TRIM2: variants seen among roughly 807,000 people sequenced by gnomAD.
TRIM2 encodes tripartite motif containing 2.
In TRIM2, 20 loss-of-function variants were observed where a neutral mutation model predicts 75.2. The ratio of observed to expected loss-of-function variants is 0.27; its 90% CI spans 0.19 to 0.39. TRIM2 has a LOEUF of 0.39. Ranked by LOEUF, TRIM2 falls within the 10% of genes least tolerant of loss-of-function variation. TRIM2 has a pLI of 1.00. For synonymous variants in TRIM2, 373 were observed against 388.3 expected (o/e 0.96, Z 0.46); for missense variants, 660 against 990.8 (o/e 0.67, Z 4.48).
chr4:153,234,907 A>T lies in TRIM2; in HGVS notation c.30+30347A>T, dbSNP rs73854609. Among the ~76,000 whole-genome samples, 448 of 152,256 alleles carry T rather than the reference A, an allele frequency of 2.9e-3. 2 individuals carry two copies. The highest frequency in any genetic ancestry group is 0.01 in the African/African-American group (427 of 41,538). On this transcript the variant is annotated intron_variant, in intron 1 of 11. Coordinates refer to ENST00000338700, the MANE Select transcript of TRIM2 (RefSeq NM_015271.5). ...CCAAAGTGGAACTCAATTAATTGCC[A>T]CTTTCTCTCTCCAATTCTTAACCTT...
chr4:153,233,705 A>G (rs1240694725), intron 1 of TRIM2, among the ~76,000 whole-genome samples: 1 of 152,146 alleles, frequency 6.6e-6, no homozygotes, highest in Admixed American at 6.5e-5. Flanking sequence ...AGAATGCTTC[A>G]ATTTTGGTGG....
At chr4:153,323,285 A>G (rs1769409315) in intron 9 of TRIM2, among the ~76,000 whole-genome samples, 1 of 152,208 alleles carries the variant, frequency 6.6e-6, no homozygotes, top group African/African-American at 2.4e-5. Context: ...TTGGTGTAGC[A>G]CTTTGCAATC....
chr4:153,280,165 G>C (rs994583571), intron 3 of TRIM2, among the ~76,000 whole-genome samples: 18 of 119,030 alleles, frequency 1.5e-4, no homozygotes, highest in Middle Eastern at 4.8e-3. Context: ...AGAAAGAAAA[G>C]AACAGAAATA....
At chr4:153,239,315 G>A (rs1266463612) in intron 1 of TRIM2, among the ~76,000 whole-genome samples, 1 of 149,390 alleles carries the variant, frequency 6.7e-6, no homozygotes, top group African/African-American at 2.5e-5. Context: ...TCGTGCCACT[G>A]CACTCCAGCC....
At chr4:153,294,068 T>C (rs1178352056) in intron 4 of TRIM2, among the ~76,000 whole-genome samples, 5 of 152,206 alleles carry the variant, frequency 3.3e-5, no homozygotes, top group Non-Finnish European at 5.9e-5. Context: ...TAATTAATTA[T>C]TAAAATTGGA....
At chr4:153,178,423 A>G (rs1033520814) in intron 1 of TRIM2, among the ~76,000 whole-genome samples, 1 of 152,232 alleles carries the variant, frequency 6.6e-6, no homozygotes, top group Non-Finnish European at 1.5e-5. Context: ...ATTAAAAAAG[A>G]AAACAAAACT....
intron 1 of TRIM2, among the ~76,000 whole-genome samples, chr4:153,197,199 G>T (rs1319399039): frequency 6.6e-6 from 1 of 152,162 alleles, no homozygotes; most frequent in African/African-American, 2.4e-5. Flanking sequence ...GGAGCTTCCA[G>T]GTAGTAAGTT....
chr4:153,274,707 A>G (rs1332441952), intron 2 of TRIM2, among the ~76,000 whole-genome samples: 1 of 152,236 alleles, frequency 6.6e-6, no homozygotes, highest in Non-Finnish European at 1.5e-5. Context: ...AGACAGGAGA[A>G]CCATGTGAGT....
chr4:153,189,257 T>C (rs76599388), intron 1 of TRIM2, among the ~76,000 whole-genome samples: 4,864 of 152,332 alleles, frequency 0.032, 260 homozygotes, highest in African/African-American at 0.11. Context: ...AAAGTTTCAC[T>C]GCCAAGCAGG....
chr4:153,225,044 G>C (rs1427030388), intron 1 of TRIM2, among the ~76,000 whole-genome samples: 2 of 152,164 alleles, frequency 1.3e-5, no homozygotes, highest in Non-Finnish European at 1.5e-5. Flanking sequence ...ACCTCTCCTA[G>C]TGCTGATTGG....
intron 1 of TRIM2, among the ~76,000 whole-genome samples, chr4:153,186,538 C>T (rs556104079): frequency 6.6e-6 from 1 of 152,324 alleles, no homozygotes; most frequent in South Asian, 2.1e-4. Context: ...AGTGCTTTGT[C>T]TCTAAGGAAG....
In TRIM2 at chr4:153,205,462, G is replaced by C. The variant is rs750158382; in HGVS notation, c.30+902G>C. Reference sequence around the variant, plus strand: ...TTGCGACCTGTAAGGTGGGGAGGGGGCTACAACATCTCGAGTCCTGGGAGT... The same window carrying C: ...TTGCGACCTGTAAGGTGGGGAGGGGCCTACAACATCTCGAGTCCTGGGAGT... On this transcript the variant is annotated intron_variant, in intron 1 of 11. Coordinates refer to ENST00000338700, the MANE Select transcript of TRIM2 (RefSeq NM_015271.5). Among the ~76,000 whole-genome samples, 160 of 152,114 alleles carry C rather than the reference G, an allele frequency of 1.1e-3. 2 individuals carry two copies. The highest frequency in any genetic ancestry group is 7.4e-4 in the Non-Finnish European group (50 of 68,014).
intron 1 of TRIM2, among the ~76,000 whole-genome samples, chr4:153,229,313 G>T (rs1382959710): frequency 1.3e-5 from 2 of 152,142 alleles, no homozygotes; most frequent in Non-Finnish European, 2.9e-5. Context: ...ACTCAGGCTG[G>T]AGTGCAGTGG....
At chr4:153,176,176 A>G (rs186398586) in intron 1 of TRIM2, among the ~76,000 whole-genome samples, 28 of 152,306 alleles carry the variant, frequency 1.8e-4, no homozygotes, top group African/African-American at 6.7e-4. Context: ...AAGCATGGCT[A>G]GGCACAGTGG....
chr4:153,325,644 A>G (rs990296656), intron 10 of TRIM2, among the ~76,000 whole-genome samples: 1 of 152,240 alleles, frequency 6.6e-6, no homozygotes, highest in Non-Finnish European at 1.5e-5. Flanking sequence ...AATCATTCAT[A>G]TAACTACAGG....
At chr4:153,293,993 G>A (rs539833348) in intron 4 of TRIM2, among the ~76,000 whole-genome samples, 12 of 152,194 alleles carry the variant, frequency 7.9e-5, no homozygotes, top group Admixed American at 5.2e-4. Flanking sequence ...TGCACCAGAC[G>A]GCCCCTGCAA....
intron 6 of TRIM2, among the ~76,000 whole-genome samples, chr4:153,311,649 T>G (rs1239650094): frequency 6.6e-6 from 1 of 150,972 alleles, no homozygotes; most frequent in African/African-American, 2.4e-5. Flanking sequence ...TATAGTCACT[T>G]CTTTGGTTTA....
At chr4:153,221,813 A>G (rs1560834458) in intron 1 of TRIM2, among the ~76,000 whole-genome samples, 1 of 97,088 alleles carries the variant, frequency 1.0e-5, no homozygotes, top group South Asian at 4.2e-4. Context: ...GAAGGAAGGG[A>G]GGGAGGGAGG....
chr4:153,289,312 T>A (rs1761358326), intron 3 of TRIM2, among the ~76,000 whole-genome samples: 1 of 152,190 alleles, frequency 6.6e-6, no homozygotes, highest in African/African-American at 2.4e-5. Context: ...CCACTTTTAT[T>A]ATCCAATGCA....
Sources: allele counts gnomAD v4.1 joint callset (sites outside exome capture counted in the v4.1 genomes callset), GRCh38; gene constraint gnomAD v4.1.1; transcripts MANE v1.5; gene names NCBI Gene and HGNC (gene_info 2026-07-23, HGNC 2026-07-21).